Variants in GALNT1 observed in about 807,000 individuals in gnomAD.
GALNT1 encodes the protein polypeptide N-acetylgalactosaminyltransferase 1, also known as GalNAc transferase 1.
In GALNT1, 17 loss-of-function variants were observed where a neutral mutation model predicts 65.7. The observed-to-expected ratio is 0.26, with a 90% CI of 0.18 to 0.39. GALNT1 has a LOEUF of 0.39. Ranked by LOEUF, GALNT1 falls within the 10% of genes least tolerant of loss-of-function variation. The probability of loss-of-function intolerance (pLI) is 1.00; values close to 1 mark genes in which losing one functional copy is unlikely to be tolerated. For synonymous variants in GALNT1, 210 were observed against 219.7 expected, an observed-to-expected ratio of 0.96 and a Z score of 0.39; for missense variants, 460 against 672.8, an observed-to-expected ratio of 0.68 and a Z score of 3.50.
At chr18:35,613,404 T>C (rs1391328342) in intron 1 of GALNT1, among the ~76,000 whole-genome samples, 1 of 152,188 alleles carries the variant, frequency 6.6e-6, no homozygotes, top group African/African-American at 2.4e-5. Context: ...AATACTGGAC[T>C]TAATATTCAA....
intron 1 of GALNT1, among the ~76,000 whole-genome samples, chr18:35,648,576 A>C (rs1443784898): frequency 6.6e-6 from 1 of 152,200 alleles, no homozygotes; most frequent in Non-Finnish European, 1.5e-5. Context: ...TTCAAATGGA[A>C]GGTTTTAACT....
rs199595808 is a variant in GALNT1 at position 35,654,799 on chromosome 18, A to G, written c.137A>G (p.Asp46Gly). The change falls in exon 2 of 12, where the codon GAT becomes GGT. Residue 46 changes from aspartate to glycine, a missense_variant and splice_region_variant. Asp to Gly is a moderately conservative substitution (Grantham distance 94). Transcript: ENST00000269195. ...EKKERGLPAGDVLEPVQKPHE... is the reference protein window; with the variant it reads ...EKKERGLPAGGVLEPVQKPHE... ...AAGGAGAGAGGACTTCCTGCTGGAGATGGTGAGTGACATTTTATAATAGAG... is the reference window on the plus strand; with the variant it reads ...AAGGAGAGAGGACTTCCTGCTGGAGGTGGTGAGTGACATTTTATAATAGAG... 94 of 1,549,426 alleles carry G rather than the reference A, an allele frequency of 6.1e-5. 1 individual carries two copies. The East Asian group carries it at 1.4e-3, about 22-fold the overall frequency.
intron 1 of GALNT1, among the ~76,000 whole-genome samples, chr18:35,588,672 C>A (rs1259306874): frequency 6.6e-6 from 1 of 152,032 alleles, no homozygotes; most frequent in African/African-American, 2.4e-5. Flanking sequence ...CTTCCAGTTC[C>A]TTTCCTGTGT....
Position 35,689,276 on chromosome 18 carries a change from G to C in GALNT1, c.964G>C (p.Glu322Gln). Reference protein sequence around the residue: ...GMDIWGGENLEISFRIWQCGG... With the variant: ...GMDIWGGENLQISFRIWQCGG... ...GGATATTTGGGGAGGAGAAAACCTAGAAATTTCCTTTAGGGTAAGTTCCCT... is the reference window on the plus strand; with the variant it reads ...GGATATTTGGGGAGGAGAAAACCTACAAATTTCCTTTAGGGTAAGTTCCCT... The change falls in exon 7 of 12, where the codon GAA (glutamate) becomes CAA (glutamine). Residue 322 changes from glutamate (E) to glutamine (Q), a missense_variant. Physicochemically the swap from Glu to Gln is conservative, Grantham distance 29. Coordinates refer to ENST00000269195, the MANE Select transcript of GALNT1 (RefSeq NM_020474.4). 6.3e-7 allele frequency: 1 copy of C among 1,599,508 alleles called. No individual in the cohort carries two copies. Among genetic ancestry groups the C allele is most frequent in the Non-Finnish European group, 8.5e-7 (1 of 1,171,592 alleles).
At chr18:35,704,726 C>T (rs1021965246) in intron 11 of GALNT1, among the ~76,000 whole-genome samples, 5 of 152,042 alleles carry the variant, frequency 3.3e-5, no homozygotes, top group Non-Finnish European at 7.4e-5. Flanking sequence ...CTCATGCAAC[C>T]TCCACCTCCC....
chr18:35,621,720 A>T (rs1568017223), intron 1 of GALNT1, among the ~76,000 whole-genome samples: 1 of 152,196 alleles, frequency 6.6e-6, no homozygotes, highest in Non-Finnish European at 1.5e-5. Context: ...ACGTGACAAT[A>T]GTTGCCTATA....
At chr18:35,701,811 T>G (rs1249618578) in intron 9 of GALNT1, among the ~76,000 whole-genome samples, 1 of 152,138 alleles carries the variant, frequency 6.6e-6, no homozygotes, top group Non-Finnish European at 1.5e-5. Context: ...ATTGAGAAAT[T>G]CTGTTTTGAA....
At chr18:35,607,661 G>A (rs886210385) in intron 1 of GALNT1, among the ~76,000 whole-genome samples, 21 of 152,026 alleles carry the variant, frequency 1.4e-4, no homozygotes, top group African/African-American at 3.6e-4. Context: ...TTGCTGACTC[G>A]GGCTGGTCTT....
At position 35,587,283 on chromosome 18, in the gene GALNT1, A is replaced by G. The variant is rs544287018; in HGVS notation, c.-104+5421A>G. On this transcript the variant is annotated intron_variant, in intron 1 of 11. Transcript: ENST00000269195. The stretch of plus-strand genomic sequence containing the variant: ...CTTGGGATTTTCTATGCAGACTACC[A>G]TGTTACCTGCAAAGAGGAACAATTT... Among the ~76,000 whole-genome samples the G allele has an allele frequency of 5.3e-5, 8 of 152,194 alleles. No individual in the cohort carries two copies. The South Asian group carries it at 1.0e-3, about 20-fold the overall frequency.
chr18:35,614,111 G>T (rs186604735), intron 1 of GALNT1, among the ~76,000 whole-genome samples: 1 of 152,304 alleles, frequency 6.6e-6, no homozygotes, highest in Non-Finnish European at 1.5e-5. Context: ...AAACATTGCA[G>T]ATATTGTAGT....
At chr18:35,643,945 ATTACT>A (rs1220932046) in intron 1 of GALNT1, among the ~76,000 whole-genome samples, 1 of 152,172 alleles carries the variant, frequency 6.6e-6, no homozygotes, top group African/African-American at 2.4e-5. Flanking sequence ...TTGAACATAC[ATTACT>A]TTACAAACAG....
intron 4 of GALNT1, among the ~76,000 whole-genome samples, chr18:35,678,007 T>C (rs2047734700): frequency 6.6e-6 from 1 of 152,176 alleles, no homozygotes; most frequent in South Asian, 2.1e-4. Flanking sequence ...TAATGCTCTA[T>C]AACATAAACT....
chr18:35,679,167 C>T (rs2047752831), intron 4 of GALNT1, among the ~76,000 whole-genome samples: 2 of 152,068 alleles, frequency 1.3e-5, no homozygotes, highest in South Asian at 4.1e-4. Flanking sequence ...GGACTTAATC[C>T]CTCTGTAAGA....
intron 2 of GALNT1, among the ~76,000 whole-genome samples, chr18:35,657,047 A>G (rs1018502094): frequency 1.3e-5 from 2 of 152,078 alleles, no homozygotes; most frequent in African/African-American, 4.8e-5. Flanking sequence ...CTTTGATGAA[A>G]AGGTGGATGC....
intron 2 of GALNT1, among the ~76,000 whole-genome samples, chr18:35,663,188 G>A (rs1427779197): frequency 2.0e-5 from 3 of 152,200 alleles, no homozygotes; most frequent in Non-Finnish European, 2.9e-5. Context: ...TGTGAGGCAC[G>A]TTGGAAGGAA....
At chr18:35,686,019 G>T (rs1186573746) in intron 5 of GALNT1, among the ~76,000 whole-genome samples, 1 of 152,198 alleles carries the variant, frequency 6.6e-6, no homozygotes, top group African/African-American at 2.4e-5. Context: ...AATGAGCCAA[G>T]AGTGCACCAT....
At chr18:35,636,315 A>T (rs2047087884) in intron 1 of GALNT1, among the ~76,000 whole-genome samples, 1 of 152,160 alleles carries the variant, frequency 6.6e-6, no homozygotes, top group African/African-American at 2.4e-5. Context: ...TGTCTCAGTT[A>T]TTGGTCCTGC....
intron 1 of GALNT1, among the ~76,000 whole-genome samples, chr18:35,624,061 C>T (rs1274156741): frequency 1.3e-5 from 2 of 152,160 alleles, no homozygotes; most frequent in African/African-American, 4.8e-5. Context: ...CCAAATTCTG[C>T]CTCCCTGGCA....
intron 1 of GALNT1, among the ~76,000 whole-genome samples, chr18:35,605,295 C>T (rs8092323): frequency 0.011 from 1,741 of 152,070 alleles, 32 homozygotes; most frequent in African/African-American, 0.039. Context: ...GATTGGAATT[C>T]AAGACCAGCC....
Sources: gnomAD v4.1 joint callset for allele counts (sites outside exome capture counted in the v4.1 genomes callset) on GRCh38, gnomAD v4.1.1 for gene constraint, MANE v1.5 for transcripts, NCBI Gene and HGNC (gene_info 2026-07-23, HGNC 2026-07-21) for gene names.